Variants in ANGPT1 observed in about 807,000 individuals in gnomAD.
ANGPT1 encodes angiopoietin-1.
ANGPT1 carries 17 observed loss-of-function variants against 62.2 expected under a neutral mutation model. That is an observed-to-expected ratio of 0.27 (90% CI 0.19 to 0.41). ANGPT1 has a LOEUF of 0.41. ANGPT1 is among the 10% of genes least tolerant of loss of function. The pLI is 1.00. For synonymous variants in ANGPT1, 199 were observed against 198.9 expected, an observed-to-expected ratio of 1.00 and a Z score of 0.00; for missense variants, 478 against 594.9, an observed-to-expected ratio of 0.80 and a Z score of 2.04.
At chr8:107,483,117 C>G (rs988681542) in intron 1 of ANGPT1, among the ~76,000 whole-genome samples, 1 of 151,864 alleles carries the variant, frequency 6.6e-6, no homozygotes, top group Non-Finnish European at 1.5e-5. Context: ...AAAATTAGAT[C>G]CAATGGAAGA....
chr8:107,426,952 A>G (rs1406924430), intron 1 of ANGPT1, among the ~76,000 whole-genome samples: 1 of 152,186 alleles, frequency 6.6e-6, no homozygotes, highest in South Asian at 2.1e-4. Flanking sequence ...AACTAGAGGG[A>G]AATGACCCTC....
At chr8:107,390,120 A>C (rs943942926) in intron 1 of ANGPT1, among the ~76,000 whole-genome samples, 3 of 152,136 alleles carry the variant, frequency 2.0e-5, no homozygotes, top group Admixed American at 6.6e-5. Flanking sequence ...AATTACCCAT[A>C]ATAATTTTTA....
At chr8:107,291,397 A>G (rs1814267879) in intron 6 of ANGPT1, among the ~76,000 whole-genome samples, 1 of 147,214 alleles carries the variant, frequency 6.8e-6, no homozygotes, top group Admixed American at 7.0e-5. Context: ...TGGCAGAGTG[A>G]AGACTATAAT....
At chr8:107,476,623 T>C (rs1376865692) in intron 1 of ANGPT1, among the ~76,000 whole-genome samples, 2 of 151,750 alleles carry the variant, frequency 1.3e-5, no homozygotes, top group Non-Finnish European at 2.9e-5. Flanking sequence ...GAAAGCACCT[T>C]AGGATCGTCG....
intron 4 of ANGPT1, among the ~76,000 whole-genome samples, chr8:107,309,364 C>T (rs1421111775): frequency 6.6e-6 from 1 of 152,100 alleles, no homozygotes; most frequent in Non-Finnish European, 1.5e-5. Context: ...ATTAACTGAG[C>T]ATATAAAGGA....
intron 1 of ANGPT1, among the ~76,000 whole-genome samples, chr8:107,441,929 C>A (rs1811488813): frequency 6.6e-6 from 1 of 152,060 alleles, no homozygotes; most frequent in South Asian, 2.1e-4. Flanking sequence ...ACTGAAAATA[C>A]AAAAATTAGG....
intron 1 of ANGPT1, among the ~76,000 whole-genome samples, chr8:107,474,205 C>T (rs1247494916): frequency 4.7e-5 from 4 of 85,442 alleles, no homozygotes; most frequent in South Asian, 3.1e-4. Context: ...ACTGGCAAAC[C>T]GAATCCAGCA....
At position 107,359,884 on chromosome 8, in the gene ANGPT1, T is replaced by G. The variant is rs538823647; in HGVS notation, c.298-12787A>C. Among the ~76,000 whole-genome samples, 20 of 152,216 alleles carry G rather than the reference T, an allele frequency of 1.3e-4. No homozygotes were observed. In the South Asian group the frequency reaches 3.9e-3, roughly 30 times the overall value. On this transcript the variant is annotated intron_variant, in intron 1 of 8. Coordinates refer to ENST00000517746, the MANE Select transcript of ANGPT1 (RefSeq NM_001146.5). ...TTGGTTTTCTCCTTTCTTTAGAAAA[T>G]GAGAATTCAATTTTATACCCAGAAA...
chr8:107,310,801 TA>T (rs140160512), intron 4 of ANGPT1, among the ~76,000 whole-genome samples: 76 of 152,252 alleles, frequency 5.0e-4, no homozygotes, highest in Middle Eastern at 3.4e-3. Context: ...CTATTAATTT[TA>T]GGTATTATTC....
intron 1 of ANGPT1, among the ~76,000 whole-genome samples, chr8:107,356,088 T>G (rs2217673): frequency 0.23 from 34,865 of 152,154 alleles, 4,923 homozygotes; most frequent in African/African-American, 0.38. Flanking sequence ...AAATATCATA[T>G]TAGCAATTAT....
chr8:107,324,910 A>G (rs542464315), intron 3 of ANGPT1, among the ~76,000 whole-genome samples: 1 of 152,314 alleles, frequency 6.6e-6, no homozygotes, highest in Non-Finnish European at 1.5e-5. Flanking sequence ...CCCTGCACCG[A>G]TCATAAAGTA....
chr8:107,372,747 C>G (rs1291136077), intron 1 of ANGPT1, among the ~76,000 whole-genome samples: 2 of 151,698 alleles, frequency 1.3e-5, no homozygotes, highest in East Asian at 3.9e-4. Context: ...GAGGAAACAA[C>G]AAAAGATACT....
intron 4 of ANGPT1, among the ~76,000 whole-genome samples, chr8:107,319,562 TAATA>T (rs1250730759): frequency 6.6e-6 from 1 of 151,654 alleles, no homozygotes; most frequent in African/African-American, 2.4e-5. Context: ...CTTCAATAAA[TAATA>T]AATTTATATG....
At chr8:107,490,847 T>A (rs559040895) in intron 1 of ANGPT1, among the ~76,000 whole-genome samples, 1 of 152,348 alleles carries the variant, frequency 6.6e-6, no homozygotes, top group East Asian at 1.9e-4. Context: ...AGGAAAGTGG[T>A]TGTTCTTCAA....
intron 1 of ANGPT1, among the ~76,000 whole-genome samples, chr8:107,456,784 G>A (rs753089144): frequency 5.3e-5 from 8 of 151,974 alleles, no homozygotes; most frequent in Non-Finnish European, 7.4e-5. Flanking sequence ...AGAACCAAAT[G>A]TATAAAATGA....
At chr8:107,300,108 T>C (rs184412967) in intron 5 of ANGPT1, among the ~76,000 whole-genome samples, 158 of 145,506 alleles carry the variant, frequency 1.1e-3, no homozygotes, top group Middle Eastern at 3.9e-3. Context: ...TCTCTATATA[T>C]CTATATATAG....
intron 5 of ANGPT1, among the ~76,000 whole-genome samples, chr8:107,298,865 T>C (rs1242704749): frequency 6.6e-6 from 1 of 151,818 alleles, no homozygotes; most frequent in Non-Finnish European, 1.5e-5. Context: ...CTGGAAACAT[T>C]ATAATGAGCA....
chr8:107,418,849 T>C (rs1234295383), intron 1 of ANGPT1, among the ~76,000 whole-genome samples: 2 of 152,182 alleles, frequency 1.3e-5, no homozygotes, highest in African/African-American at 4.8e-5. Context: ...TAGAGATTTG[T>C]TTCTATTCAA....
At position 107,353,047 on chromosome 8, in the gene ANGPT1, T is replaced by G. The variant is rs73702036; in HGVS notation, c.298-5950A>C. ...ATCTCCCAATATACTATTTCTTTTA[T>G]GAAATGGAGAAATATAATTGTCTTT... On this transcript the variant is annotated intron_variant, in intron 1 of 8. Coordinates refer to ENST00000517746, the MANE Select transcript of ANGPT1 (RefSeq NM_001146.5). Among the ~76,000 whole-genome samples the G allele has an allele frequency of 9.7e-3, 1,476 of 152,336 alleles. 26 individuals are homozygous for G. The highest frequency in any genetic ancestry group is 0.029 in the African/African-American group (1,185 of 41,566).
Sources: allele counts gnomAD v4.1 joint callset (sites outside exome capture counted in the v4.1 genomes callset), GRCh38; gene constraint gnomAD v4.1.1; transcripts MANE v1.5; gene names NCBI Gene and HGNC (gene_info 2026-07-23, HGNC 2026-07-21).